Variants in WDR25 observed in about 807,000 individuals in gnomAD.
WDR25 encodes the protein WD repeat domain 25.
In WDR25, 35 loss-of-function variants were observed where a neutral mutation model predicts 47.7. That is an observed-to-expected ratio of 0.73 (90% CI 0.56 to 0.97). The LOEUF is 0.97. Ranked by LOEUF, WDR25 falls within the 50% of genes least tolerant of loss-of-function variation. The pLI is 0.00. For missense variants in WDR25, 634 were observed against 704.7 expected (o/e 0.90, Z 1.14); for synonymous variants, 248 against 278.9 (o/e 0.89, Z 1.10).
chr14:100,399,221 G>A (rs936100314), intron 2 of WDR25, among the ~76,000 whole-genome samples: 5 of 151,838 alleles, frequency 3.3e-5, no homozygotes, highest in Non-Finnish European at 4.4e-5. Context: ...GTGGTTTATC[G>A]GATAATTGAG....
chr14:100,455,945 A>G (rs916379398), intron 2 of WDR25, among the ~76,000 whole-genome samples: 7 of 152,090 alleles, frequency 4.6e-5, no homozygotes, highest in Admixed American at 3.3e-4. Context: ...ACTGAAATGG[A>G]GTAATGGAGT....
chr14:100,482,527 T>C (rs1900238974), intron 3 of WDR25, among the ~76,000 whole-genome samples: 1 of 152,220 alleles, frequency 6.6e-6, no homozygotes, highest in Non-Finnish European at 1.5e-5. Flanking sequence ...CTTAGGTTTT[T>C]CATGGATGGG....
intron 2 of WDR25, among the ~76,000 whole-genome samples, chr14:100,432,336 T>A (rs1314127828): frequency 3.3e-5 from 5 of 152,222 alleles, no homozygotes; most frequent in African/African-American, 1.2e-4. Context: ...GAGAGTCAAC[T>A]CCTTTCATTC....
intron 2 of WDR25, among the ~76,000 whole-genome samples, chr14:100,390,924 T>C (rs1182371475): frequency 6.6e-6 from 1 of 152,230 alleles, no homozygotes; most frequent in African/African-American, 2.4e-5. Context: ...TACAGCTCTT[T>C]TAGAACGGGC....
chr14:100,524,724 C>T (rs1004433142), intron 4 of WDR25, among the ~76,000 whole-genome samples: 2 of 152,212 alleles, frequency 1.3e-5, no homozygotes, highest in East Asian at 1.9e-4. Context: ...CCAGGGAAGC[C>T]GTGGAGGTCG....
intron 4 of WDR25, among the ~76,000 whole-genome samples, chr14:100,522,617 C>T (rs113890989): frequency 0.026 from 3,946 of 152,268 alleles, 198 homozygotes; most frequent in African/African-American, 0.09. Context: ...TTACAAGCAT[C>T]GGGCTTGTAT....
intron 2 of WDR25, among the ~76,000 whole-genome samples, chr14:100,422,651 C>T (rs1054570514): frequency 5.3e-5 from 8 of 152,238 alleles, no homozygotes; most frequent in African/African-American, 1.9e-4. Context: ...GCCAGCTTCC[C>T]CTCCTGAGTA....
At chr14:100,437,341 A>G (rs998112619) in intron 2 of WDR25, among the ~76,000 whole-genome samples, 1 of 152,082 alleles carries the variant, frequency 6.6e-6, no homozygotes, top group Non-Finnish European at 1.5e-5. Flanking sequence ...ACCCAGACCC[A>G]TATCTGAGAT....
chr14:100,527,314 A>C (rs9805992), intron 5 of WDR25, among the ~76,000 whole-genome samples: 65,067 of 151,598 alleles, frequency 0.43, 14,644 homozygotes, highest in East Asian at 0.62. Context: ...TGTTATCATC[A>C]CCACCACCAC....
At chr14:100,481,865 C>T (rs1366265898) in intron 3 of WDR25, among the ~76,000 whole-genome samples, 3 of 152,012 alleles carry the variant, frequency 2.0e-5, no homozygotes, top group African/African-American at 2.4e-5. Context: ...GCTGGTGGGA[C>T]GTCTGTAACA....
chr14:100,464,194 G>A (rs1016214778), intron 2 of WDR25, among the ~76,000 whole-genome samples: 16 of 152,076 alleles, frequency 1.1e-4, no homozygotes, highest in Admixed American at 3.3e-4. Context: ...GCTTGACCAT[G>A]CCAGGCATAC....
In WDR25 at chr14:100,441,418, C is replaced by T. The variant is rs544555331; in HGVS notation, c.823-26603C>T. ...GGAAGGCAGTGCAGGGGGTGGTTTGCGTCTTACAGGAAGGGAGTCTCCTCT... is the reference window on the plus strand; with the variant it reads ...GGAAGGCAGTGCAGGGGGTGGTTTGTGTCTTACAGGAAGGGAGTCTCCTCT... On this transcript the variant is annotated intron_variant, in intron 2 of 6. Coordinates refer to ENST00000402312, the MANE Select transcript of WDR25 (RefSeq NM_001161476.3). 1.1e-4 allele frequency among the ~76,000 whole-genome samples: 16 copies of T among 152,136 alleles called. No individual in the cohort carries two copies. The East Asian group carries it at 1.9e-3, about 18-fold the overall frequency.
chr14:100,490,864 C>T (rs200246769), intron 4 of WDR25, among the ~76,000 whole-genome samples: 3 of 152,224 alleles, frequency 2.0e-5, no homozygotes, highest in South Asian at 2.1e-4. Context: ...CTCCATTTGT[C>T]TCTTTCATCT....
intron 4 of WDR25, among the ~76,000 whole-genome samples, chr14:100,511,388 T>G (rs1213593305): frequency 2.0e-5 from 3 of 152,240 alleles, no homozygotes; most frequent in African/African-American, 7.2e-5. Flanking sequence ...TCTGTAACTC[T>G]TCTAAACTCA....
intron 4 of WDR25, among the ~76,000 whole-genome samples, chr14:100,516,095 A>G (rs1219339380): frequency 6.6e-6 from 1 of 151,562 alleles, no homozygotes; most frequent in Non-Finnish European, 1.5e-5. Context: ...TTGGGTATTC[A>G]GTATTTTGTT....
intron 2 of WDR25, among the ~76,000 whole-genome samples, chr14:100,416,460 C>A (rs1201556849): frequency 6.6e-6 from 1 of 152,234 alleles, no homozygotes; most frequent in Non-Finnish European, 1.5e-5. Flanking sequence ...TTCACCCTGC[C>A]CCGATTTCTG....
chr14:100,501,541 T>C lies in WDR25; in HGVS notation c.1101+17417T>C, dbSNP rs145327197. 9.6e-3 allele frequency among the ~76,000 whole-genome samples: 1,467 copies of C among 152,260 alleles called. 8 individuals carry two copies. Among genetic ancestry groups the C allele is most frequent in the Non-Finnish European group, 0.017 (1,188 of 68,014 alleles). The stretch of plus-strand genomic sequence containing the variant: ...CGGTCATCTCAGGCTGATCAGAAGC[T>C]CAGATACACATTCTCCCATGTCTTT... On this transcript the variant is annotated intron_variant, in intron 4 of 6. Coordinates refer to ENST00000402312, the MANE Select transcript of WDR25 (RefSeq NM_001161476.3).
At chr14:100,435,674 T>G (rs2140238544) in intron 2 of WDR25, among the ~76,000 whole-genome samples, 1 of 152,312 alleles carries the variant, frequency 6.6e-6, no homozygotes, top group East Asian at 1.9e-4. Flanking sequence ...CGTTCATTCA[T>G]TCATTCATTC....
rs144371438 is a variant in WDR25 at position 100,525,361 on chromosome 14, G to T, written c.1102-509G>T. Among the ~76,000 whole-genome samples, 1 of 152,230 alleles carries T rather than the reference G, an allele frequency of 6.6e-6. No homozygotes were observed. Among genetic ancestry groups the T allele is most frequent in the Non-Finnish European group, 1.5e-5 (1 of 68,042 alleles). On this transcript the variant is annotated intron_variant, in intron 4 of 6. Coordinates refer to ENST00000402312, the MANE Select transcript of WDR25 (RefSeq NM_001161476.3). The surrounding 1 kb of genome is among the most constrained non-coding windows in gnomAD (Gnocchi z 4.6). ...TGATGCTAAAACAATACAAAGTGTC[G>T]TTAAAGCTAAAATATGTCCTGTGAT...
Sources: allele counts gnomAD v4.1 joint callset (sites outside exome capture counted in the v4.1 genomes callset), GRCh38; gene constraint gnomAD v4.1.1; non-coding constraint Gnocchi (gnomAD v3.1); transcripts MANE v1.5; gene names NCBI Gene and HGNC (gene_info 2026-07-23, HGNC 2026-07-21).